The following APC variants were observed in gnomAD, a reference collection of about 807,000 sequenced individuals.
APC encodes the protein adenomatous polyposis coli protein.
A neutral mutation model predicts 247.0 loss-of-function variants in APC; 72 were observed. The observed-to-expected ratio is 0.29, with a 90% CI of 0.24 to 0.35. The LOEUF is 0.35. Among genes scored for constraint, APC ranks in the 10% least tolerant of loss-of-function variants. The pLI is 1.00. For synonymous variants in APC, 1,254 were observed against 1,162.5 expected (o/e 1.08, Z -1.60); for missense variants, 3,400 against 3,360.7 (o/e 1.01, Z -0.29).
intron 7 of APC, among the ~76,000 whole-genome samples, chr5:112,795,911 A>G (rs1159442270): frequency 6.6e-6 from 1 of 152,200 alleles, no homozygotes; most frequent in Non-Finnish European, 1.5e-5. Context: ...ACATCCTGAG[A>G]TAAATGGTAA....
At chr5:112,802,879 T>G (rs986864825) in intron 8 of APC, among the ~76,000 whole-genome samples, 26 of 152,032 alleles carry the variant, frequency 1.7e-4, no homozygotes, top group African/African-American at 6.3e-4. Flanking sequence ...AAAACAGTAT[T>G]TATATACCAG....
chr5:112,802,189 T>C (rs781295629), intron 8 of APC, among the ~76,000 whole-genome samples: 9 of 152,136 alleles, frequency 5.9e-5, no homozygotes, highest in Non-Finnish European at 1.2e-4. Context: ...TTACTTTTGA[T>C]AGTATTGTTT....
At chr5:112,713,619 A>G (rs1371704346) in intron 1 of APC, among the ~76,000 whole-genome samples, 2 of 152,202 alleles carry the variant, frequency 1.3e-5, no homozygotes, top group Non-Finnish European at 2.9e-5. Context: ...AATAGTGGCA[A>G]ATTTAAAACA....
intron 6 of APC, among the ~76,000 whole-genome samples, chr5:112,781,310 C>G (rs1302624282): frequency 6.6e-6 from 1 of 152,254 alleles, no homozygotes; most frequent in Non-Finnish European, 1.5e-5. Flanking sequence ...AGGAAGGAAA[C>G]AAAGAGAATT....
chr5:112,816,523 G>T (rs1277994998), intron 9 of APC, among the ~76,000 whole-genome samples: 1 of 152,154 alleles, frequency 6.6e-6, no homozygotes, highest in African/African-American at 2.4e-5. Flanking sequence ...GCCGGATGTG[G>T]TGGCTCACAC....
chr5:112,740,784 C>T (rs1752925640), intron 1 of APC, among the ~76,000 whole-genome samples: 1 of 151,978 alleles, frequency 6.6e-6, no homozygotes, highest in Non-Finnish European at 1.5e-5. Flanking sequence ...CCTCAGCCTC[C>T]CAAAGTGCTG....
rs1750604701 is a variant in APC, at chr5:112,707,749, C to T, written c.32C>T (p.Ala11Val). The T allele has an allele frequency of 7.3e-7, 1 of 1,370,692 alleles. No individual in the cohort carries two copies. The highest frequency in any genetic ancestry group is 9.6e-7 in the Non-Finnish European group (1 of 1,038,808). 84.9% of individuals were successfully genotyped at this position (1,370,692 alleles called of 1,614,324 possible). A position where few individuals can be genotyped will look rare whatever the true frequency, so the allele number is the denominator to read the frequency against. ...GCCTCCCTGGGCTCGGGTCCGGTCG[C>T]CCCTTTGCCCGCTTCTGTACCACCC... Residue 11 changes from alanine to valine, a missense_variant, in exon 1 of 14, where the codon GCC (alanine) becomes GTC (valine). By Grantham distance (64) the Ala-to-Val change is moderately conservative. Transcript: ENST00000507379.
intron 8 of APC, among the ~76,000 whole-genome samples, chr5:112,806,523 G>A (rs1761399744): frequency 6.6e-6 from 1 of 151,838 alleles, no homozygotes; most frequent in South Asian, 2.1e-4. Flanking sequence ...ATAACTATGT[G>A]TATAATTTAT....
At chr5:112,770,155 T>C (rs1255987775) in intron 4 of APC, among the ~76,000 whole-genome samples, 1 of 152,222 alleles carries the variant, frequency 6.6e-6, no homozygotes, top group Non-Finnish European at 1.5e-5. Flanking sequence ...CTGCAAATAC[T>C]AGTAAACCTA....
intron 7 of APC, among the ~76,000 whole-genome samples, chr5:112,794,273 G>A (rs1759963584): frequency 1.3e-5 from 2 of 152,088 alleles, no homozygotes; most frequent in South Asian, 4.1e-4. Flanking sequence ...TAGAGACGAG[G>A]TTTTGCCATG....
In APC at chr5:112,835,036, A is replaced by G. The variant is rs756090401; in HGVS notation, c.1829A>G (p.Asp610Gly). The change falls in exon 15 of 16, where the codon GAT becomes GGT. Residue 610 changes from aspartate to glycine, a missense_variant. By Grantham distance (94) the Asp-to-Gly change is moderately conservative. Around this residue, in one of 9 missense-constraint regions of APC, gnomAD observed 184 missense variants for 248.0 expected, o/e 0.74. Transcript: ENST00000257430. ...TENKADICAV[D>G]GALAFLVGTL... ...AATAAAGCTGATATATGTGCTGTAGATGGTGCACTTGCATTTTTGGTTGGC... is the reference window on the plus strand; with the variant it reads ...AATAAAGCTGATATATGTGCTGTAGGTGGTGCACTTGCATTTTTGGTTGGC... 1.4e-5 allele frequency: 22 copies of G among 1,614,028 alleles called. No homozygotes were observed. Among genetic ancestry groups the G allele is most frequent in the East Asian group, 2.2e-5 (1 of 44,886 alleles).
intron 6 of APC, among the ~76,000 whole-genome samples, chr5:112,783,523 T>C (rs1241488378): frequency 1.3e-5 from 2 of 151,206 alleles, no homozygotes; most frequent in Non-Finnish European, 2.9e-5. Flanking sequence ...CCAGGCATGG[T>C]GATTCACACC....
At chr5:112,708,129 C>T (rs1312056111) in intron 1 of APC, among the ~76,000 whole-genome samples, 1 of 152,214 alleles carries the variant, frequency 6.6e-6, no homozygotes, top group Non-Finnish European at 1.5e-5. Context: ...CTGGCTGCTG[C>T]TGGAGCTTCG....
At position 112,841,523 on chromosome 5, in the gene APC, C is replaced by G. The variant is rs1766089930; in HGVS notation, c.5929C>G (p.Gln1977Glu). 6.2e-7 allele frequency: 1 copy of G among 1,613,790 alleles called. No homozygotes were observed. The highest frequency in any genetic ancestry group is 1.1e-5 in the South Asian group (1 of 91,056). Residue 1977 changes from glutamine to glutamate, a missense_variant, in exon 16 of 16, where the codon CAA (glutamine) becomes GAA (glutamate). Gln to Glu is a conservative substitution (Grantham distance 29, BLOSUM62 2). Coordinates refer to ENST00000257430, the MANE Select transcript of APC (RefSeq NM_000038.6). This position sits in a 1 kb window ranked among gnomAD's most constrained non-coding sequence, Gnocchi z 4.6. Reference protein sequence around the residue: ...SSLSSLSDIDQENNNKENEPI... With the variant: ...SSLSSLSDIDEENNNKENEPI... The stretch of plus-strand genomic sequence containing the variant: ...TCTGAGTTCTCTCAGTGACATTGAC[C>G]AAGAAAACAACAATAAAGAAAATGA...
At chr5:112,731,143 G>A (rs930506118) in intron 1 of APC, among the ~76,000 whole-genome samples, 1 of 151,686 alleles carries the variant, frequency 6.6e-6, no homozygotes, top group Non-Finnish European at 1.5e-5. Context: ...CCAAGCTGTT[G>A]TTAGTAATTG....
At chr5:112,814,438 C>G (rs1461198315) in intron 8 of APC, among the ~76,000 whole-genome samples, 2 of 152,140 alleles carry the variant, frequency 1.3e-5, no homozygotes, top group South Asian at 2.1e-4. Flanking sequence ...ACCCATTTAT[C>G]CAAGCTTGAC....
chr5:112,717,627 G>T (rs545809232), intron 1 of APC, among the ~76,000 whole-genome samples: 1 of 152,186 alleles, frequency 6.6e-6, no homozygotes, highest in East Asian at 1.9e-4. Flanking sequence ...TCAACTCTTT[G>T]TGTCTCAACT....
chr5:112,783,155 T>C (rs1758538355), intron 6 of APC, among the ~76,000 whole-genome samples: 1 of 152,188 alleles, frequency 6.6e-6, no homozygotes, highest in South Asian at 2.1e-4. Flanking sequence ...TAAAAATTCT[T>C]GTGCTATATA....
chr5:112,710,297 G>C (rs1041919095), intron 1 of APC, among the ~76,000 whole-genome samples: 10 of 152,012 alleles, frequency 6.6e-5, no homozygotes, highest in African/African-American at 2.2e-4. Flanking sequence ...CATTTCCTCA[G>C]GTTTTTATAG....
Sources: allele counts gnomAD v4.1 joint callset (sites outside exome capture counted in the v4.1 genomes callset), GRCh38; gene constraint gnomAD v4.1.1; regional missense constraint gnomAD v4.1.1; non-coding constraint Gnocchi (gnomAD v3.1); transcripts MANE v1.5; gene names NCBI Gene and HGNC (gene_info 2026-07-23, HGNC 2026-07-21).